The following NKAIN3 variants were observed in gnomAD, a reference collection of about 807,000 sequenced individuals.
NKAIN3 encodes the protein sodium/potassium transporting ATPase interacting 3.
In NKAIN3, 25 loss-of-function variants were observed where a neutral mutation model predicts 30.2. The ratio of observed to expected loss-of-function variants is 0.83; its 90% CI spans 0.60 to 1.16. The LOEUF (loss-of-function observed/expected upper bound fraction) is 1.16, where lower values mean the gene tolerates loss of function less well. NKAIN3 is among the 50% of genes most tolerant of loss of function. NKAIN3 has a pLI of 0.00. For synonymous variants in NKAIN3, 91 were observed against 89.6 expected, an observed-to-expected ratio of 1.02 and a Z score of -0.09; for missense variants, 225 against 254.1, an observed-to-expected ratio of 0.89 and a Z score of 0.78.
intron 3 of NKAIN3, among the ~76,000 whole-genome samples, chr8:62,634,654 G>A (rs1277344160): frequency 1.3e-5 from 2 of 152,198 alleles, no homozygotes; most frequent in Admixed American, 1.3e-4. Context: ...CCCTGGTGGG[G>A]CTCTGCAGGG....
At chr8:62,861,092 T>A (rs1820224424) in intron 4 of NKAIN3, among the ~76,000 whole-genome samples, 1 of 152,200 alleles carries the variant, frequency 6.6e-6, no homozygotes, top group Non-Finnish European at 1.5e-5. Context: ...TTAGCATAAA[T>A]TGTGTGCCTC....
chr8:62,544,511 T>C (rs1419919108), intron 1 of NKAIN3, among the ~76,000 whole-genome samples: 1 of 152,174 alleles, frequency 6.6e-6, no homozygotes, highest in Non-Finnish European at 1.5e-5. Context: ...TACATATTTC[T>C]TTAAGGCCTC....
chr8:62,562,254 T>A (rs759041775), intron 1 of NKAIN3, among the ~76,000 whole-genome samples: 1 of 152,154 alleles, frequency 6.6e-6, no homozygotes, highest in Non-Finnish European at 1.5e-5. Context: ...CCACAGAGTA[T>A]GAGAGCATGA....
intron 1 of NKAIN3, among the ~76,000 whole-genome samples, chr8:62,488,047 T>C (rs1379186772): frequency 6.6e-6 from 1 of 152,244 alleles, no homozygotes; most frequent in Non-Finnish European, 1.5e-5. Flanking sequence ...TACCTTAAAA[T>C]CTAATTTTTA....
At position 62,249,063 on chromosome 8, in the gene NKAIN3, C is replaced by T. The variant is rs2129384487; in HGVS notation, c.-11C>T. On this transcript the variant is annotated 5_prime_UTR_variant, in exon 1 of 7. Coordinates refer to ENST00000623646, the MANE Select transcript of NKAIN3 (RefSeq NM_001304533.3). ...TCTGGCAGTCAGCGCCGCTCGGACG[C>T]CGCCGGCACCATGGGCTGCTGCACC... The T allele has an allele frequency of 1.3e-6, 2 of 1,535,260 alleles. No homozygotes were observed. Among genetic ancestry groups the T allele is most frequent in the Non-Finnish European group, 1.7e-6 (2 of 1,143,114 alleles).
chr8:62,902,595 C>A (rs1046076925), intron 4 of NKAIN3, among the ~76,000 whole-genome samples: 1 of 152,210 alleles, frequency 6.6e-6, no homozygotes, highest in East Asian at 1.9e-4. Flanking sequence ...AAGACAAAAA[C>A]CACTCTCTAT....
chr8:62,414,768 G>A (rs1433565648), intron 1 of NKAIN3, among the ~76,000 whole-genome samples: 3 of 151,834 alleles, frequency 2.0e-5, no homozygotes, highest in Non-Finnish European at 4.4e-5. Context: ...ATTTCTTTTA[G>A]GTTAGAGGTA....
intron 3 of NKAIN3, among the ~76,000 whole-genome samples, chr8:62,590,599 A>G (rs548393850): frequency 6.6e-6 from 1 of 152,034 alleles, no homozygotes; most frequent in South Asian, 2.1e-4. Flanking sequence ...ATATATTTAT[A>G]CTAACTTATT....
chr8:62,871,177 G>C lies in NKAIN3; in HGVS notation c.472-47276G>C, dbSNP rs1034852691. Among the ~76,000 whole-genome samples the C allele has an allele frequency of 5.9e-5, 9 of 152,108 alleles. No individual in the cohort carries two copies. In the East Asian group the frequency reaches 1.7e-3, roughly 29 times the overall value. Reference sequence around the variant, plus strand: ...GCACTTTGGGAGGCCAAAGTGGGTGGATCACCTGAGGTCAAGAGTTTGAGA... The same window carrying C: ...GCACTTTGGGAGGCCAAAGTGGGTGCATCACCTGAGGTCAAGAGTTTGAGA... On this transcript the variant is annotated intron_variant, in intron 4 of 6. Transcript: ENST00000623646.
At chr8:62,485,062 G>A (rs1043262460) in intron 1 of NKAIN3, among the ~76,000 whole-genome samples, 3 of 152,146 alleles carry the variant, frequency 2.0e-5, no homozygotes, top group African/African-American at 4.8e-5. Flanking sequence ...TGACTGTCAG[G>A]AACAACAGAG....
intron 2 of NKAIN3, among the ~76,000 whole-genome samples, chr8:62,585,097 G>C (rs1810428128): frequency 1.3e-5 from 2 of 152,150 alleles, no homozygotes; most frequent in South Asian, 4.1e-4. Context: ...GCAATGTACT[G>C]CCTTGCTTAT....
intron 5 of NKAIN3, among the ~76,000 whole-genome samples, chr8:62,950,049 A>G (rs1823239128): frequency 6.6e-6 from 1 of 152,226 alleles, no homozygotes; most frequent in African/African-American, 2.4e-5. Context: ...CTTTCTCAAA[A>G]AAGTGAATTT....
At chr8:62,289,817 A>G (rs186915189) in intron 1 of NKAIN3, among the ~76,000 whole-genome samples, 9 of 152,272 alleles carry the variant, frequency 5.9e-5, no homozygotes, top group Middle Eastern at 3.4e-3. Flanking sequence ...CATTGAATCT[A>G]TAAATTACCT....
intron 1 of NKAIN3, among the ~76,000 whole-genome samples, chr8:62,526,350 C>T (rs1192727968): frequency 3.3e-5 from 5 of 152,040 alleles, no homozygotes; most frequent in African/African-American, 7.2e-5. Flanking sequence ...AGAAATCTCC[C>T]AAAATGGAGT....
intron 3 of NKAIN3, among the ~76,000 whole-genome samples, chr8:62,715,193 G>A (rs1814855214): frequency 6.6e-6 from 1 of 152,136 alleles, no homozygotes; most frequent in Non-Finnish European, 1.5e-5. Context: ...CCATGATCCA[G>A]TAACCTCCCA....
rs181530778 is a variant in NKAIN3 at position 62,313,621 on chromosome 8, A to G, written c.54+64494A>G. On this transcript the variant is annotated intron_variant, in intron 1 of 6. Coordinates refer to ENST00000623646, the MANE Select transcript of NKAIN3 (RefSeq NM_001304533.3). Reference sequence around the variant, plus strand: ...GAAATAGTTGATATTCCCTATGGAAATAATAGATGCAAAGGGATGAATGCA... The same window carrying G: ...GAAATAGTTGATATTCCCTATGGAAGTAATAGATGCAAAGGGATGAATGCA... Among the ~76,000 whole-genome samples the G allele has an allele frequency of 1.8e-4, 28 of 152,282 alleles. No individual in the cohort carries two copies. In the East Asian group the frequency reaches 5.0e-3, roughly 27 times the overall value.
At chr8:62,887,169 G>A (rs894325888) in intron 4 of NKAIN3, among the ~76,000 whole-genome samples, 2 of 152,032 alleles carry the variant, frequency 1.3e-5, no homozygotes, top group Admixed American at 1.3e-4. Flanking sequence ...CTCTCTTCTT[G>A]CTTTCATGGT....
intron 1 of NKAIN3, among the ~76,000 whole-genome samples, chr8:62,362,425 A>G (rs1221839818): frequency 2.0e-5 from 3 of 152,230 alleles, no homozygotes; most frequent in African/African-American, 7.2e-5. Context: ...AAAATGAATA[A>G]GAAACACTTG....
intron 3 of NKAIN3, among the ~76,000 whole-genome samples, chr8:62,618,005 A>G (rs1047972866): frequency 2.6e-5 from 4 of 152,216 alleles, no homozygotes; most frequent in African/African-American, 9.6e-5. Flanking sequence ...GTAAACCAAC[A>G]TTCATATGGC....
Sources: gnomAD v4.1 joint callset for allele counts (sites outside exome capture counted in the v4.1 genomes callset) on GRCh38, gnomAD v4.1.1 for gene constraint, MANE v1.5 for transcripts, NCBI Gene and HGNC (gene_info 2026-07-23, HGNC 2026-07-21) for gene names.